The following HECTD4 variants were observed in gnomAD, a reference collection of about 807,000 sequenced individuals.
HECTD4 encodes HECT domain E3 ubiquitin protein ligase 4.
A neutral mutation model predicts 471.5 loss-of-function variants in HECTD4; 114 were observed. That is an observed-to-expected ratio of 0.24 (90% CI 0.21 to 0.28). The LOEUF is 0.28. Among genes scored for constraint, HECTD4 ranks in the 10% least tolerant of loss-of-function variants. The pLI is 1.00. For synonymous variants in HECTD4, 2,012 were observed against 2,256.0 expected, an observed-to-expected ratio of 0.89 and a Z score of 3.07; for missense variants, 3,866 against 5,651.5, an observed-to-expected ratio of 0.68 and a Z score of 10.13.
chr12:112,345,416 T>A (rs1213606105), intron 1 of HECTD4, among the ~76,000 whole-genome samples: 2 of 151,888 alleles, frequency 1.3e-5, no homozygotes, highest in African/African-American at 4.8e-5. Context: ...CAAGCAAACC[T>A]TAATAGTATA....
At chr12:112,216,715 T>C in intron 47 of HECTD4, 58 bp downstream of exon 47, 5 of 1,588,164 alleles carry the variant, frequency 3.1e-6, no homozygotes, top group East Asian at 2.3e-5. Flanking sequence ...TGAACACCTA[T>C]ACACACCTTG....
chr12:112,375,581 G>A (rs1305551246), intron 1 of HECTD4, among the ~76,000 whole-genome samples: 1 of 152,110 alleles, frequency 6.6e-6, no homozygotes, highest in Non-Finnish European at 1.5e-5. Flanking sequence ...AAAGAAAAAT[G>A]GAATAGGAAG....
At chr12:112,269,650 C>T in intron 13 of HECTD4, 54 bp downstream of exon 13, 1 of 1,590,412 alleles carries the variant, frequency 6.3e-7, no homozygotes, top group Non-Finnish European at 8.6e-7. Flanking sequence ...GATTACAATG[C>T]CTTGCAGAAG....
At chr12:112,209,514 C>T (rs1444940566) in intron 50 of HECTD4, among the ~76,000 whole-genome samples, 1 of 151,998 alleles carries the variant, frequency 6.6e-6, no homozygotes, top group Non-Finnish European at 1.5e-5. Flanking sequence ...TTAGTAGAGA[C>T]GGGGTTTCTC....
intron 71 of HECTD4, 52 bp downstream of exon 71, chr12:112,167,762 T>C (rs2031031383): frequency 8.0e-6 from 12 of 1,493,034 alleles, no homozygotes; most frequent in Admixed American, 1.7e-5. Context: ...CCCCAGCCAC[T>C]GCGCAGGACA....
At chr12:112,371,750 G>T (rs2036676357) in intron 1 of HECTD4, among the ~76,000 whole-genome samples, 1 of 151,938 alleles carries the variant, frequency 6.6e-6, no homozygotes, top group Non-Finnish European at 1.5e-5. Context: ...GCTGGGCGTG[G>T]AGGCGGGCGC....
chr12:112,263,187 A>C (rs1398400914), intron 17 of HECTD4, among the ~76,000 whole-genome samples: 1 of 152,260 alleles, frequency 6.6e-6, no homozygotes, highest in African/African-American at 2.4e-5. Context: ...TTAAAAGTGC[A>C]TGTATGTCTG....
Position 112,163,013 on chromosome 12 carries a change from C to T in HECTD4, c.13120+29G>A, listed in dbSNP as rs750249148. 14 of 1,519,036 alleles carry T rather than the reference C, an allele frequency of 9.2e-6. No homozygotes were observed. The highest frequency in any genetic ancestry group is 1.3e-5 in the Non-Finnish European group (14 of 1,103,558). 94.1% of individuals were successfully genotyped at this position (1,519,036 alleles called of 1,614,324 possible). A position where few individuals can be genotyped will look rare whatever the true frequency, so the allele number is the denominator to read the frequency against. Reference sequence around the variant, plus strand: ...ACAGAGAAAGGCTAGTGTGTCCCTACTTGGGACATGGCCAGGGGAGGGCGG... The same window carrying T: ...ACAGAGAAAGGCTAGTGTGTCCCTATTTGGGACATGGCCAGGGGAGGGCGG... On this transcript the variant is annotated intron_variant, in intron 75 of 75. Transcript: ENST00000682272. The surrounding 1 kb of genome is among the most constrained non-coding windows in gnomAD (Gnocchi z 8.2).
At position 112,269,718 on chromosome 12, in the gene HECTD4, G is replaced by C. The variant is rs1477530121; in HGVS notation, c.2307C>G (p.Val769=). The C allele has an allele frequency of 6.2e-7, 1 of 1,613,852 alleles. No homozygotes were observed. Among genetic ancestry groups the C allele is most frequent in the African/African-American group, 1.3e-5 (1 of 74,930 alleles). The part of the protein sequence containing the change: ...DQICPEIQKE[V]CLAISSGLNI... ...TAGCTGTTTACCTGATGGCAAGGCA[G>C]ACTTCCTTCTGAATTTCAGGGCAAA... Residue 769 remains valine (V), a synonymous_variant, in exon 13 of 76, where the codon GTC becomes GTG. Transcript: ENST00000682272.
At position 112,160,845 on chromosome 12, in the gene HECTD4, T is replaced by C. The variant is rs1433136990; in HGVS notation, c.*1542A>G. ...CCATCTTCTTTCAAAGCAGGGGAAC[T>C]GCTTGCGGGCACTCACCTCCAGAGT... On this transcript the variant is annotated 3_prime_UTR_variant, in exon 76 of 76. Coordinates refer to ENST00000682272, the MANE Select transcript of HECTD4 (RefSeq NM_001388303.1). The C allele has an allele frequency of 6.6e-6, 1 of 152,232 alleles. No homozygotes were observed. The highest frequency in any genetic ancestry group is 1.5e-5 in the Non-Finnish European group (1 of 68,038). The allele number at this position is 152,232 out of a possible 1,614,324, so 9.4% of individuals were successfully genotyped here. A position where few individuals can be genotyped will look rare whatever the true frequency, so the allele number is the denominator to read the frequency against.
chr12:112,262,354 T>G (rs1019723161), intron 17 of HECTD4, among the ~76,000 whole-genome samples: 2 of 151,314 alleles, frequency 1.3e-5, no homozygotes, highest in Non-Finnish European at 2.9e-5. Context: ...CTACTAAAAT[T>G]TCAAAAATTA....
At chr12:112,308,951 G>C (rs1594032109) in intron 5 of HECTD4, 60 bp from the exon 6 acceptor site, 1 of 1,473,254 alleles carries the variant, frequency 6.8e-7, no homozygotes, top group African/African-American at 1.4e-5. Flanking sequence ...CCCCACACAA[G>C]CTACAACAGA....
chr12:112,162,537 AGCCAGCATCAGAGGGTTGG>A lies in HECTD4; in HGVS notation c.13121-33_13121-15del. On this transcript the variant is annotated splice_polypyrimidine_tract_variant and intron_variant, in intron 75 of 75. Coordinates refer to ENST00000682272, the MANE Select transcript of HECTD4 (RefSeq NM_001388303.1). The surrounding 1 kb of genome is among the most constrained non-coding windows in gnomAD (Gnocchi z 5.2). ...AGTCTGGGGAACCTACAAGAAACCGAGCCAGCATCAGAGGGTTGGGCCCACATCTGTGAGGCTCCCAGGG... is the reference window on the plus strand; with the variant it reads ...AGTCTGGGGAACCTACAAGAAACCGAGCCCACATCTGTGAGGCTCCCAGGG... The A allele has an allele frequency of 6.2e-7, 1 of 1,613,878 alleles. No homozygotes were observed. The highest frequency in any genetic ancestry group is 8.5e-7 in the Non-Finnish European group (1 of 1,179,852).
chr12:112,203,675 T>C lies in HECTD4; in HGVS notation c.8367A>G (p.Lys2789=). Residue 2789 remains lysine (K), a synonymous_variant, in exon 54 of 76, where the codon AAA becomes AAG. Transcript: ENST00000682272. The part of the protein sequence containing the change: ...LPKFAIRGML[K]TFGLHGVVLD... ...AGACGACTCCATGAAGCCCAAAGGTTTTCAGCATCCCTCGGATGGCAAATT... is the reference window on the plus strand; with the variant it reads ...AGACGACTCCATGAAGCCCAAAGGTCTTCAGCATCCCTCGGATGGCAAATT... 1 of 1,613,592 alleles carries C rather than the reference T, an allele frequency of 6.2e-7. No individual in the cohort carries two copies. The highest frequency in any genetic ancestry group is 8.5e-7 in the Non-Finnish European group (1 of 1,179,744).
At chr12:112,251,998 C>T (rs1219671381) in intron 23 of HECTD4, among the ~76,000 whole-genome samples, 6 of 152,166 alleles carry the variant, frequency 3.9e-5, no homozygotes, top group Non-Finnish European at 8.8e-5. Context: ...TCTCGAACTC[C>T]TGACCTCAGC....
In HECTD4 at chr12:112,179,337, T is replaced by C. The variant is rs2031577604; in HGVS notation, c.11048A>G (p.His3683Arg). Reference protein sequence around the residue: ...VLTEIFKSCAHSEQTLSLTPA... With the variant: ...VLTEIFKSCARSEQTLSLTPA... ...TGTCAGGCTCAGCGTCTGCTCTGAA[T>C]GGGCACAACTCTTAAATATCTCCGT... The change falls in exon 63 of 76, where the codon CAT becomes CGT. Residue 3683 changes from histidine (H) to arginine (R), a missense_variant. By Grantham distance (29) the His-to-Arg change is conservative. Coordinates refer to ENST00000682272, the MANE Select transcript of HECTD4 (RefSeq NM_001388303.1). The surrounding 1 kb of genome is among the most constrained non-coding windows in gnomAD (Gnocchi z 4.3). 6.2e-7 allele frequency: 1 copy of C among 1,613,390 alleles called. No homozygotes were observed. Among genetic ancestry groups the C allele is most frequent in the Non-Finnish European group, 8.5e-7 (1 of 1,179,672 alleles).
rs1015062489 is a variant in HECTD4 at position 112,352,113 on chromosome 12, T to A, written c.177+29839A>T. 2.6e-5 allele frequency among the ~76,000 whole-genome samples: 4 copies of A among 152,336 alleles called. No individual in the cohort carries two copies. In the South Asian group the frequency reaches 8.3e-4, roughly 32 times the overall value. ...AAGAAGCTTTTGCTTTTTAATTTTT[T>A]AAATTTTTTTGAGACAGGGTATGCT... On this transcript the variant is annotated intron_variant, in intron 1 of 75. Coordinates refer to ENST00000682272, the MANE Select transcript of HECTD4 (RefSeq NM_001388303.1).
chr12:112,352,178 C>T (rs949505422), intron 1 of HECTD4, among the ~76,000 whole-genome samples: 2 of 152,020 alleles, frequency 1.3e-5, no homozygotes, highest in African/African-American at 4.8e-5. Context: ...AAGAAAATAC[C>T]TATGGTGGCG....
At chr12:112,288,010 C>CT (rs770466095) in intron 7 of HECTD4, among the ~76,000 whole-genome samples, 6,555 of 143,810 alleles carry the variant, frequency 0.046, 301 homozygotes, top group African/African-American at 0.12. Context: ...GGTCAGATGA[C>CT]TTTTTTTTTT....
Sources: allele counts gnomAD v4.1 joint callset (sites outside exome capture counted in the v4.1 genomes callset), GRCh38; gene constraint gnomAD v4.1.1; non-coding constraint Gnocchi (gnomAD v3.1); transcripts MANE v1.5; gene names NCBI Gene and HGNC (gene_info 2026-07-23, HGNC 2026-07-21).